GPC5: variants seen among roughly 807,000 people sequenced by gnomAD.
GPC5 encodes glypican 5, also known as glypican-5.
In GPC5, 47 loss-of-function variants were observed where a neutral mutation model predicts 53.9. The ratio of observed to expected loss-of-function variants is 0.87; its 90% CI spans 0.69 to 1.11. GPC5 has a LOEUF of 1.11. GPC5 is among the 50% of genes most tolerant of loss of function. The pLI is 0.00. For synonymous variants in GPC5, 286 were observed against 263.3 expected (o/e 1.09, Z -0.84); for missense variants, 748 against 713.1 (o/e 1.05, Z -0.56).
At chr13:92,775,383 T>C (rs768450792) in intron 7 of GPC5, among the ~76,000 whole-genome samples, 4 of 152,234 alleles carry the variant, frequency 2.6e-5, no homozygotes, top group Admixed American at 6.5e-5. Context: ...AGCACAACTC[T>C]TTGCACCTTA....
At chr13:91,750,617 G>T (rs756010402) in intron 4 of GPC5, among the ~76,000 whole-genome samples, 1 of 149,124 alleles carries the variant, frequency 6.7e-6, no homozygotes, top group Non-Finnish European at 1.5e-5. Context: ...TGGCAACTGA[G>T]ATTTGAATTC....
intron 7 of GPC5, among the ~76,000 whole-genome samples, chr13:92,864,668 AT>A (rs1389200644): frequency 1.3e-5 from 2 of 152,094 alleles, no homozygotes; most frequent in Admixed American, 1.3e-4. Flanking sequence ...TCTAGTCCCT[AT>A]TTAAAAAAAA....
intron 7 of GPC5, among the ~76,000 whole-genome samples, chr13:92,467,074 G>A (rs1403684273): frequency 6.6e-6 from 1 of 152,134 alleles, no homozygotes; most frequent in Non-Finnish European, 1.5e-5. Flanking sequence ...AGCACTTTCA[G>A]TTTCCATCTG....
At chr13:92,682,134 C>T (rs1178650663) in intron 7 of GPC5, among the ~76,000 whole-genome samples, 3 of 152,178 alleles carry the variant, frequency 2.0e-5, no homozygotes, top group Non-Finnish European at 4.4e-5. Context: ...TGTTTTGTCT[C>T]TACCTCTTAC....
At chr13:92,009,314 A>G (rs1397091052) in intron 6 of GPC5, among the ~76,000 whole-genome samples, 1 of 145,574 alleles carries the variant, frequency 6.9e-6, no homozygotes, top group African/African-American at 2.5e-5. Flanking sequence ...TTGTTGGAGT[A>G]ACCAGTTTAG....
In GPC5 at chr13:92,260,486, G is replaced by A. The variant is rs999187917; in HGVS notation, c.1561+115497G>A. 4.6e-5 allele frequency among the ~76,000 whole-genome samples: 7 copies of A among 152,254 alleles called. No individual in the cohort carries two copies. The East Asian group carries it at 5.8e-4, about 13-fold the overall frequency. On this transcript the variant is annotated intron_variant, in intron 7 of 7. Transcript: ENST00000377067. The stretch of plus-strand genomic sequence containing the variant: ...TGTTCTGTAGATCCGCATCAGGCCC[G>A]GCTCCTTGAGGCAGGCCTTCACTGA...
intron 1 of GPC5, among the ~76,000 whole-genome samples, chr13:91,441,896 T>G (rs2139070284): frequency 6.6e-6 from 1 of 152,302 alleles, no homozygotes; most frequent in East Asian, 1.9e-4. Context: ...ACATGTAACA[T>G]CCACTCTGGT....
intron 7 of GPC5, among the ~76,000 whole-genome samples, chr13:92,245,367 C>T (rs1297432515): frequency 4.6e-5 from 7 of 152,094 alleles, no homozygotes; most frequent in Non-Finnish European, 1.0e-4. Context: ...TTGTTTCTAC[C>T]ATTTATCCCC....
intron 7 of GPC5, among the ~76,000 whole-genome samples, chr13:92,544,707 T>A (rs1420299736): frequency 6.6e-6 from 1 of 152,058 alleles, no homozygotes; most frequent in East Asian, 1.9e-4. Flanking sequence ...TTATTTTTAT[T>A]TCTTCTTTTT....
intron 6 of GPC5, among the ~76,000 whole-genome samples, chr13:92,099,366 T>C (rs937053994): frequency 6.6e-6 from 1 of 152,200 alleles, no homozygotes; most frequent in African/African-American, 2.4e-5. Context: ...TAAGGTAATA[T>C]TGAGCAATCT....
chr13:92,061,362 T>C (rs1441268540), intron 6 of GPC5, among the ~76,000 whole-genome samples: 3 of 152,030 alleles, frequency 2.0e-5, no homozygotes, highest in Admixed American at 2.0e-4. Flanking sequence ...AACTAATATG[T>C]GGTTTACAAC....
intron 2 of GPC5, among the ~76,000 whole-genome samples, chr13:91,649,452 A>G (rs2034642455): frequency 6.6e-6 from 1 of 152,202 alleles, no homozygotes; most frequent in South Asian, 2.1e-4. Flanking sequence ...TGTCCAGGCT[A>G]TAGAAAGTGC....
At chr13:92,269,563 G>T (rs781462349) in intron 7 of GPC5, among the ~76,000 whole-genome samples, 1 of 152,030 alleles carries the variant, frequency 6.6e-6, no homozygotes, top group South Asian at 2.1e-4. Flanking sequence ...CTGCCACCAT[G>T]CCCGGCTAAG....
chr13:92,339,994 A>G (rs1213184947), intron 7 of GPC5: 1 of 149,560 alleles, frequency 6.7e-6, no homozygotes, highest in Non-Finnish European at 1.5e-5. Context: ...GTACCTATGA[A>G]CAAAAAAAAC....
At chr13:92,757,995 G>T (rs1466827782) in intron 7 of GPC5, among the ~76,000 whole-genome samples, 1 of 151,110 alleles carries the variant, frequency 6.6e-6, no homozygotes, top group African/African-American at 2.4e-5. Context: ...TATACCCAAA[G>T]GACTATAAAT....
rs1241278253 is a variant in GPC5, at chr13:92,691,108, C to T, written c.1562-175174C>T. 3.2e-5 allele frequency among the ~76,000 whole-genome samples: 3 copies of T among 93,190 alleles called. 1 individual carries two copies. 61.1% of individuals were successfully genotyped at this position (93,190 alleles called of 152,430 possible). On this transcript the variant is annotated intron_variant, in intron 7 of 7. Coordinates refer to ENST00000377067, the MANE Select transcript of GPC5 (RefSeq NM_004466.6). ...GGTGGGCTCCACCCAGTTCGAGCTT[C>T]CAGGCTGCTTTGTTTACCTAAGCAA...
intron 6 of GPC5, among the ~76,000 whole-genome samples, chr13:91,930,619 TA>T (rs1005627045): frequency 1.3e-5 from 2 of 152,058 alleles, no homozygotes; most frequent in African/African-American, 2.4e-5. Flanking sequence ...TGTTTCCACC[TA>T]ACACATGGCA....
At chr13:92,682,791 T>A (rs1887148519) in intron 7 of GPC5, among the ~76,000 whole-genome samples, 1 of 152,224 alleles carries the variant, frequency 6.6e-6, no homozygotes, top group African/African-American at 2.4e-5. Context: ...AAATTTTCAG[T>A]TTATTCATGT....
In GPC5 at chr13:92,531,798, T is replaced by A. The variant is rs1348118335; in HGVS notation, c.1562-334484T>A. Among the ~76,000 whole-genome samples the A allele has an allele frequency of 5.3e-5, 8 of 152,228 alleles. No individual in the cohort carries two copies. The East Asian group carries it at 1.5e-3, about 29-fold the overall frequency. ...TCTCTCTGGTTTCCTGAGGGAAGGA[T>A]ATACTACCATTTTTATATAATGTTT... On this transcript the variant is annotated intron_variant, in intron 7 of 7. Coordinates refer to ENST00000377067, the MANE Select transcript of GPC5 (RefSeq NM_004466.6).
Sources: gnomAD v4.1 joint callset for allele counts (sites outside exome capture counted in the v4.1 genomes callset) on GRCh38, gnomAD v4.1.1 for gene constraint, MANE v1.5 for transcripts, NCBI Gene and HGNC (gene_info 2026-07-23, HGNC 2026-07-21) for gene names.